Variants in HSDL2 observed in about 807,000 individuals in gnomAD.
The protein encoded by HSDL2 is hydroxysteroid dehydrogenase-like protein 2.
A neutral mutation model predicts 46.3 loss-of-function variants in HSDL2; 27 were observed. The observed-to-expected ratio is 0.58, with a 90% CI of 0.43 to 0.80. The LOEUF is 0.80. HSDL2 is among the 30% of genes least tolerant of loss of function. The probability of loss-of-function intolerance (pLI) is 0.00; values close to 1 mark genes in which losing one functional copy is unlikely to be tolerated. For synonymous variants in HSDL2, 153 were observed against 163.6 expected, an observed-to-expected ratio of 0.94 and a Z score of 0.50; for missense variants, 451 against 502.7, an observed-to-expected ratio of 0.90 and a Z score of 0.98.
rs113843084 is a variant in HSDL2 at position 112,392,909 on chromosome 9, C to T, written c.18-11086C>T. On this transcript the variant is annotated intron_variant, in intron 1 of 10. Coordinates refer to ENST00000398805, the MANE Select transcript of HSDL2 (RefSeq NM_032303.5). Reference sequence around the variant, plus strand: ...GTATTATTTGGGAACTGATAAATGTCCATGAAATCTTCACAATTTATATTC... The same window carrying T: ...GTATTATTTGGGAACTGATAAATGTTCATGAAATCTTCACAATTTATATTC... 6.9e-3 allele frequency among the ~76,000 whole-genome samples: 1,058 copies of T among 152,246 alleles called. 12 individuals are homozygous for T. The highest frequency in any genetic ancestry group is 0.024 in the African/African-American group (998 of 41,538).
chr9:112,405,770 G>T (rs765550719), intron 3 of HSDL2, 48 bp downstream of exon 3: 1 of 1,142,822 alleles, frequency 8.8e-7, no homozygotes, highest in East Asian at 2.4e-5. Context: ...TAAAATAAAG[G>T]TATAACTATA....
chr9:112,412,423 C>A (rs1202528224), intron 4 of HSDL2, among the ~76,000 whole-genome samples: 1 of 152,124 alleles, frequency 6.6e-6, no homozygotes, highest in African/African-American at 2.4e-5. Flanking sequence ...TAATTTTAGA[C>A]TTATTAAAAT....
chr9:112,430,088 A>C (rs994433806), intron 6 of HSDL2, among the ~76,000 whole-genome samples: 16 of 152,086 alleles, frequency 1.1e-4, no homozygotes, highest in African/African-American at 3.6e-4. Flanking sequence ...TATCTCAAAA[A>C]AAAAAAAAGA....
At chr9:112,398,489 G>A (rs1270673914) in intron 1 of HSDL2, among the ~76,000 whole-genome samples, 1 of 152,070 alleles carries the variant, frequency 6.6e-6, no homozygotes, top group African/African-American at 2.4e-5. Flanking sequence ...TGGGGGTGAC[G>A]TTAAGCCAAA....
At chr9:112,439,212 G>A (rs552344291) in intron 7 of HSDL2, among the ~76,000 whole-genome samples, 2 of 152,284 alleles carry the variant, frequency 1.3e-5, no homozygotes, top group Non-Finnish European at 2.9e-5. Flanking sequence ...TGCCCAGGCT[G>A]GTCTTGAACT....
intron 8 of HSDL2, among the ~76,000 whole-genome samples, chr9:112,444,336 T>G (rs1832702116): frequency 6.6e-6 from 1 of 152,210 alleles, no homozygotes; most frequent in Non-Finnish European, 1.5e-5. Context: ...ACCATTTCAT[T>G]ATACCTTTTC....
chr9:112,426,480 C>G (rs1454058940), intron 6 of HSDL2, among the ~76,000 whole-genome samples: 2 of 152,182 alleles, frequency 1.3e-5, no homozygotes, highest in Non-Finnish European at 2.9e-5. Flanking sequence ...AGGTGATCCA[C>G]CCGCCTTGGT....
chr9:112,441,809 T>A (rs1264092371), intron 8 of HSDL2, 39 bp downstream of exon 8: 1 of 1,277,980 alleles, frequency 7.8e-7, no homozygotes, highest in Non-Finnish European at 1.1e-6. Flanking sequence ...AAAATATAAA[T>A]CCTAACTTAT....
At chr9:112,443,955 T>C (rs1408730600) in intron 8 of HSDL2, among the ~76,000 whole-genome samples, 2 of 152,238 alleles carry the variant, frequency 1.3e-5, no homozygotes, top group Non-Finnish European at 2.9e-5. Context: ...CAGTGTTTAC[T>C]GGCATCAGGC....
At chr9:112,422,307 G>A (rs544519333) in intron 6 of HSDL2, among the ~76,000 whole-genome samples, 212 of 151,940 alleles carry the variant, frequency 1.4e-3, no homozygotes, top group Non-Finnish European at 2.5e-3. Context: ...ATCCAGACAT[G>A]GAAAAAATAA....
intron 8 of HSDL2, among the ~76,000 whole-genome samples, chr9:112,448,537 CTTCTTT>C (rs1832799657): frequency 3.3e-4 from 2 of 6,052 alleles, no homozygotes; most frequent in Admixed American, 2.1e-3. Context: ...TCTTTCTTTC[CTTCTTT>C]CTCTCTCTTT....
rs191721699 is a variant in HSDL2, at chr9:112,470,868, C to T, written c.*324C>T. On this transcript the variant is annotated 3_prime_UTR_variant, in exon 11 of 11. Coordinates refer to ENST00000398805, the MANE Select transcript of HSDL2 (RefSeq NM_032303.5). ...CAGTCAGATCAAGCAGTAAAATTAG[C>T]TCTTTCAAATCTTCTTGTCATGTAA... The T allele has an allele frequency of 1.1e-3, 184 of 166,024 alleles. No homozygotes were observed. Among genetic ancestry groups the T allele is most frequent in the South Asian group, 2.7e-3 (14 of 5,242 alleles). The allele number at this position is 166,024 out of a possible 1,614,324, so 10.3% of individuals were successfully genotyped here.
Position 112,445,911 on chromosome 9 carries a change from T to C in HSDL2, c.865+4141T>C, listed in dbSNP as rs538706045. Among the ~76,000 whole-genome samples the C allele has an allele frequency of 5.3e-5, 8 of 152,300 alleles. 1 individual carries two copies. The South Asian group carries it at 1.4e-3, about 28-fold the overall frequency. ...AAATATCATATATCCCACACATGCA[T>C]TACTTCCTTCCTTAGCAGCATCCTC... On this transcript the variant is annotated intron_variant, in intron 8 of 10. Transcript: ENST00000398805.
At chr9:112,449,335 C>A (rs1303591908) in intron 8 of HSDL2, among the ~76,000 whole-genome samples, 1 of 152,024 alleles carries the variant, frequency 6.6e-6, no homozygotes, top group African/African-American at 2.4e-5. Context: ...GATCCACCCA[C>A]CTTGGCTTCC....
intron 1 of HSDL2, among the ~76,000 whole-genome samples, chr9:112,396,347 A>G (rs1381870369): frequency 1.3e-5 from 2 of 152,168 alleles, no homozygotes; most frequent in Non-Finnish European, 2.9e-5. Flanking sequence ...AGGAAATAAT[A>G]GAAACATCAG....
At chr9:112,406,096 G>T (rs1475237043) in intron 3 of HSDL2, among the ~76,000 whole-genome samples, 1 of 151,922 alleles carries the variant, frequency 6.6e-6, no homozygotes, top group African/African-American at 2.4e-5. Flanking sequence ...GGGAGGTGGA[G>T]GTTGCAGTGA....
chr9:112,460,031 G>C (rs1833156191), intron 10 of HSDL2, among the ~76,000 whole-genome samples: 1 of 152,140 alleles, frequency 6.6e-6, no homozygotes, highest in Non-Finnish European at 1.5e-5. Flanking sequence ...CCTGCTTTCT[G>C]GGGAGTCCTA....
chr9:112,467,513 C>T (rs1833427962), intron 10 of HSDL2, among the ~76,000 whole-genome samples: 1 of 152,096 alleles, frequency 6.6e-6, no homozygotes. Flanking sequence ...AACATTGTAC[C>T]TGGACTTAAA....
chr9:112,460,722 G>T (rs1833180954), intron 10 of HSDL2, among the ~76,000 whole-genome samples: 1 of 122,024 alleles, frequency 8.2e-6, no homozygotes, highest in South Asian at 3.2e-4. Context: ...CTCCAGCCTG[G>T]GCGGCAGAAT....
Sources: allele counts gnomAD v4.1 joint callset (sites outside exome capture counted in the v4.1 genomes callset), GRCh38; gene constraint gnomAD v4.1.1; transcripts MANE v1.5; gene names NCBI Gene and HGNC (gene_info 2026-07-23, HGNC 2026-07-21).